The following ZMYM2 variants were observed in gnomAD, a reference collection of about 807,000 sequenced individuals.
ZMYM2 encodes zinc finger MYM-type protein 2.
ZMYM2 carries 56 observed loss-of-function variants against 162.8 expected under a neutral mutation model. The observed-to-expected ratio is 0.34, with a 90% confidence interval of 0.28 to 0.43. The LOEUF is 0.43. Among genes scored for constraint, ZMYM2 ranks in the 20% least tolerant of loss-of-function variants. The pLI is 1.00. For missense variants in ZMYM2, 1,275 were observed against 1,621.8 expected, an observed-to-expected ratio of 0.79 and a Z score of 3.67; for synonymous variants, 510 against 541.6, an observed-to-expected ratio of 0.94 and a Z score of 0.81.
the ZMYM2 span, among the ~76,000 whole-genome samples, chr13:19,927,697 C>T: frequency 6.6e-6 from 1 of 152,162 alleles, no homozygotes; most frequent in African/African-American, 2.4e-5. Flanking sequence ...TATGTGAACA[C>T]TTAGCTTTGA....
rs1424166528 is a variant in ZMYM2 at position 19,993,808 on chromosome 13, C to T, written c.736C>T (p.Pro246Ser). 8.1e-6 allele frequency: 13 copies of T among 1,614,056 alleles called. No homozygotes were observed. The highest frequency in any genetic ancestry group is 1.0e-5 in the Non-Finnish European group (12 of 1,180,030). The change falls in exon 3 of 25, where the codon CCA (proline) becomes TCA (serine). Residue 246 changes from proline (P) to serine (S), a missense_variant. This residue lies in a region of ZMYM2 where 295 missense variants were observed against 286.7 expected (regional missense o/e 1.03). Coordinates refer to ENST00000610343, the MANE Select transcript of ZMYM2 (RefSeq NM_197968.4). ...TGGTGTTAATATACAAACATACACC[C>T]CATCTTTAACTTCACAGACCAAGAC... Reference protein sequence around the residue: ...NFGVNIQTYTPSLTSQTKTGV... With the variant: ...NFGVNIQTYTSSLTSQTKTGV...
Position 20,067,360 on chromosome 13 carries a change from C to T in ZMYM2, c.3423C>T (p.Ser1141=). ...ATGGAGAGAATTATGCACCTGACAG[C>T]ATCTATTACCTTTGCCTTGGAATAC... ...RPNGENYAPD[S]IYYLCLGIQE... Residue 1141 remains serine (S), a synonymous_variant, in exon 21 of 25, where the codon AGC becomes AGT. Coordinates refer to ENST00000610343, the MANE Select transcript of ZMYM2 (RefSeq NM_197968.4). 6.2e-7 allele frequency: 1 copy of T among 1,610,474 alleles called. No homozygotes were observed.
At chr13:19,870,009 T>C in the ZMYM2 span, among the ~76,000 whole-genome samples, 1 of 152,082 alleles carries the variant, frequency 6.6e-6, no homozygotes, top group Non-Finnish European at 1.5e-5. Flanking sequence ...GGGTCTCTCA[T>C]GAGGTTGCAG....
intron 2 of ZMYM2, among the ~76,000 whole-genome samples, chr13:19,960,458 C>A (rs1255840732): frequency 1.3e-5 from 2 of 152,182 alleles, no homozygotes; most frequent in Non-Finnish European, 2.9e-5. Flanking sequence ...TAGAAATAAT[C>A]ATTTATATTT....
chr13:19,885,876 TATA>T, the ZMYM2 span, among the ~76,000 whole-genome samples: 4 of 109,820 alleles, frequency 3.6e-5, 1 homozygote, highest in African/African-American at 8.0e-5. Flanking sequence ...TATATATGTA[TATA>T]CACATATATA....
the ZMYM2 span, among the ~76,000 whole-genome samples, chr13:19,936,582 C>T: frequency 4.3e-4 from 66 of 152,140 alleles, no homozygotes; most frequent in African/African-American, 1.4e-3. Flanking sequence ...ATTAGCCGGG[C>T]CTGGTGGCAG....
the ZMYM2 span, among the ~76,000 whole-genome samples, chr13:19,912,152 C>CT: frequency 6.6e-6 from 1 of 151,768 alleles, no homozygotes; most frequent in Non-Finnish European, 1.5e-5. Flanking sequence ...ATGCTTTCTT[C>CT]TCCACACTGT....
At chr13:20,027,924 GGA>G (rs1345824437) in intron 9 of ZMYM2, 1 of 171,288 alleles carries the variant, frequency 5.8e-6, no homozygotes. Flanking sequence ...TAGTTTAGAG[GGA>G]ATTCAAGCAT....
At chr13:19,994,043 G>T in intron 3 of ZMYM2, 124 bp downstream of exon 3, 3 of 1,145,256 alleles carry the variant, frequency 2.6e-6, no homozygotes, top group Non-Finnish European at 3.6e-6. Context: ...GAATTATATT[G>T]AATTTTATCT....
At chr13:19,916,312 C>T in the ZMYM2 span, among the ~76,000 whole-genome samples, 1 of 152,122 alleles carries the variant, frequency 6.6e-6, no homozygotes, top group East Asian at 1.9e-4. Flanking sequence ...GGCGATTCCT[C>T]AAGGATCTAG....
the ZMYM2 span, among the ~76,000 whole-genome samples, chr13:19,932,369 C>T: frequency 0.065 from 9,878 of 152,028 alleles, 1,060 homozygotes; most frequent in African/African-American, 0.23. Flanking sequence ...CACCAGAGGC[C>T]GGGCATGGTG....
At chr13:20,075,420 TTTTGTTTG>T (rs556395793) in intron 21 of ZMYM2, among the ~76,000 whole-genome samples, 3 of 152,082 alleles carry the variant, frequency 2.0e-5, no homozygotes, top group African/African-American at 7.2e-5. Context: ...TTTTTTCTTG[TTTTGTTTG>T]TTTGTTTGTT....
the ZMYM2 span, among the ~76,000 whole-genome samples, chr13:19,904,201 TAATCA>T: frequency 6.6e-6 from 1 of 151,812 alleles, no homozygotes. Context: ...ATTTTTTTTT[TAATCA>T]TCTTTATGAT....
chr13:20,055,130 G>A (rs1955685365), intron 14 of ZMYM2, among the ~76,000 whole-genome samples: 1 of 152,020 alleles, frequency 6.6e-6, no homozygotes, highest in Non-Finnish European at 1.5e-5. Flanking sequence ...TGCAGATTCT[G>A]GTATGAGGAG....
At chr13:20,025,253 A>T (rs929319966) in intron 7 of ZMYM2, 2 of 201,452 alleles carry the variant, frequency 9.9e-6, no homozygotes, top group African/African-American at 4.6e-5. Context: ...GACGGATTTA[A>T]TTGCAACATG....
At chr13:20,084,708 C>G (rs1427618399) in intron 24 of ZMYM2, among the ~76,000 whole-genome samples, 1 of 152,108 alleles carries the variant, frequency 6.6e-6, no homozygotes, top group African/African-American at 2.4e-5. Context: ...AAAGTTTAAG[C>G]CAATAAAACG....
intron 7 of ZMYM2, chr13:20,025,548 A>G (rs1952502873): frequency 6.3e-6 from 1 of 159,518 alleles, no homozygotes; most frequent in Non-Finnish European, 1.4e-5. Context: ...CTGGTCTCAA[A>G]CTCCTGGGCT....
chr13:19,901,834 C>T, the ZMYM2 span, among the ~76,000 whole-genome samples: 2 of 152,038 alleles, frequency 1.3e-5, no homozygotes, highest in Non-Finnish European at 2.9e-5. Flanking sequence ...ATTCTGTTAC[C>T]CAGGCTGCAG....
At chr13:19,946,517 G>A in the ZMYM2 span, among the ~76,000 whole-genome samples, 1 of 152,200 alleles carries the variant, frequency 6.6e-6, no homozygotes, top group Non-Finnish European at 1.5e-5. Flanking sequence ...GGTCCTCATC[G>A]TTATTCTGTA....
Sources: allele counts gnomAD v4.1 joint callset (sites outside exome capture counted in the v4.1 genomes callset), GRCh38; gene constraint gnomAD v4.1.1; regional missense constraint gnomAD v4.1.1; transcripts MANE v1.5; gene names NCBI Gene and HGNC (gene_info 2026-07-23, HGNC 2026-07-21).